Variants in ADAM10 observed in about 807,000 individuals in gnomAD.
The protein encoded by ADAM10 is disintegrin and metalloproteinase domain-containing protein 10.
Under a neutral mutation model 90.1 loss-of-function variants are expected in ADAM10, and 17 were observed. That is an observed-to-expected ratio of 0.19 (90% CI 0.13 to 0.28). The LOEUF is 0.28. ADAM10 is among the 10% of genes least tolerant of loss of function. The probability of loss-of-function intolerance (pLI) is 1.00; values close to 1 mark genes in which losing one functional copy is unlikely to be tolerated. For missense variants in ADAM10, 610 were observed against 914.3 expected, an observed-to-expected ratio of 0.67 and a Z score of 4.29; for synonymous variants, 310 against 298.6, an observed-to-expected ratio of 1.04 and a Z score of -0.40.
chr15:58,734,667 T>C (rs191852070), intron 1 of ADAM10, among the ~76,000 whole-genome samples: 73 of 148,688 alleles, frequency 4.9e-4, no homozygotes, highest in Non-Finnish European at 8.4e-4. Flanking sequence ...GCCACTGCAA[T>C]GCAGCCTGGG....
chr15:58,742,715 T>C (rs1258347278), intron 1 of ADAM10, among the ~76,000 whole-genome samples: 1 of 152,180 alleles, frequency 6.6e-6, no homozygotes, highest in Non-Finnish European at 1.5e-5. Flanking sequence ...ATTGCTTCCT[T>C]TTTCCTAATA....
In ADAM10 at chr15:58,595,749, C is replaced by T. The variant is rs754389763; in HGVS notation, c.*1798G>A. The T allele has an allele frequency of 6.6e-6, 1 of 152,106 alleles. No individual in the cohort carries two copies. Among genetic ancestry groups the T allele is most frequent in the Non-Finnish European group, 1.5e-5 (1 of 67,986 alleles). 9.4% of individuals were successfully genotyped at this position (152,106 alleles called of 1,614,324 possible). On this transcript the variant is annotated 3_prime_UTR_variant, in exon 16 of 16. Coordinates refer to ENST00000260408, the MANE Select transcript of ADAM10 (RefSeq NM_001110.4). ...TACATGTTCCAAAGTCTACCACACT[C>T]AAGAAGTTACTAAGAACTCTTGCAG...
At chr15:58,600,275 T>C (rs1411745117) in intron 14 of ADAM10, among the ~76,000 whole-genome samples, 7 of 152,324 alleles carry the variant, frequency 4.6e-5, no homozygotes, top group African/African-American at 1.4e-4. Flanking sequence ...ATTGCGTTTA[T>C]ACTTTCCATG....
intron 1 of ADAM10, among the ~76,000 whole-genome samples, chr15:58,739,516 C>CA (rs1192640157): frequency 6.6e-6 from 1 of 151,252 alleles, no homozygotes. Flanking sequence ...GACTCCGTCT[C>CA]AAAAAAATAA....
chr15:58,722,266 C>T (rs1420552467), intron 1 of ADAM10, among the ~76,000 whole-genome samples: 8 of 151,802 alleles, frequency 5.3e-5, no homozygotes, highest in African/African-American at 1.7e-4. Flanking sequence ...CACTTGAACC[C>T]GGAAGGTGGA....
intron 2 of ADAM10, among the ~76,000 whole-genome samples, chr15:58,709,595 C>G (rs979666745): frequency 1.3e-5 from 2 of 151,864 alleles, no homozygotes; most frequent in Non-Finnish European, 2.9e-5. Context: ...CAAAAATTAG[C>G]CAGGTGTCGT....
At position 58,603,086 on chromosome 15, in the gene ADAM10, A is replaced by C. The variant is rs185700248; in HGVS notation, c.2026-3362T>G. Among the ~76,000 whole-genome samples the C allele has an allele frequency of 3.5e-3, 537 of 152,284 alleles. 20 individuals are homozygous for C. The highest frequency in any genetic ancestry group is 0.03 in the Admixed American group (454 of 15,282). On this transcript the variant is annotated intron_variant, in intron 14 of 15. Transcript: ENST00000260408. ...TACTTTCTAAAAGCCACTTCTTGAGACTGCCAGATTTTTTTTTAAGTTTTA... is the reference window on the plus strand; with the variant it reads ...TACTTTCTAAAAGCCACTTCTTGAGCCTGCCAGATTTTTTTTTAAGTTTTA...
At position 58,749,641 on chromosome 15, in the gene ADAM10, C is replaced by A. The variant is rs376381725; in HGVS notation, c.-107G>T. On this transcript the variant is annotated 5_prime_UTR_variant, in exon 1 of 16. Transcript: ENST00000260408. ...TTGGTCCGGAGCCTCCACGGGAAGC[C>A]GGGACCTCCCCTGGCAGGAGAAACG... The A allele has an allele frequency of 1.6e-5, 24 of 1,527,232 alleles. No individual in the cohort carries two copies. In the South Asian group the frequency reaches 2.6e-4, roughly 16 times the overall value. 94.6% of individuals were successfully genotyped at this position (1,527,232 alleles called of 1,614,324 possible). A position where few individuals can be genotyped will look rare whatever the true frequency, so the allele number is the denominator to read the frequency against.
chr15:58,702,054 C>T (rs528879791), intron 2 of ADAM10, among the ~76,000 whole-genome samples: 3 of 151,998 alleles, frequency 2.0e-5, no homozygotes, highest in South Asian at 4.2e-4. Context: ...TGCAGTGAGC[C>T]GAGATCGCAC....
intron 9 of ADAM10, among the ~76,000 whole-genome samples, chr15:58,632,748 C>A (rs750976020): frequency 6.6e-6 from 1 of 152,286 alleles, no homozygotes; most frequent in Non-Finnish European, 1.5e-5. Context: ...TCTCATTCCA[C>A]AGTAGAGAAA....
At chr15:58,704,066 G>C (rs1401940410) in intron 2 of ADAM10, 1 of 152,306 alleles carries the variant, frequency 6.6e-6, no homozygotes, top group Non-Finnish European at 1.5e-5. Flanking sequence ...AGGGAGGAAG[G>C]GGACACCCAT....
intron 2 of ADAM10, among the ~76,000 whole-genome samples, chr15:58,704,755 A>C (rs1022696767): frequency 1.3e-5 from 2 of 152,218 alleles, no homozygotes; most frequent in Non-Finnish European, 2.9e-5. Context: ...ACTTTTACAT[A>C]TATTACTGCA....
intron 1 of ADAM10, among the ~76,000 whole-genome samples, chr15:58,721,323 G>A (rs1404125055): frequency 3.3e-5 from 5 of 152,002 alleles, no homozygotes; most frequent in East Asian, 1.9e-4. Flanking sequence ...ACACTTCCCC[G>A]GGACACACAG....
intron 1 of ADAM10, among the ~76,000 whole-genome samples, chr15:58,729,863 G>A (rs904817657): frequency 1.3e-5 from 2 of 152,130 alleles, no homozygotes; most frequent in South Asian, 2.1e-4. Context: ...TTGGAAGGCT[G>A]AGGCAGAAGA....
chr15:58,639,738 T>C (rs1245536887), intron 8 of ADAM10, among the ~76,000 whole-genome samples: 4 of 152,042 alleles, frequency 2.6e-5, no homozygotes, highest in African/African-American at 9.7e-5. Flanking sequence ...GTAAAAGTAT[T>C]GACTTAAGAT....
intron 2 of ADAM10, 110 bp downstream of exon 2, chr15:58,717,467 C>T: frequency 1.5e-6 from 2 of 1,371,038 alleles, no homozygotes; most frequent in East Asian, 2.4e-5. Flanking sequence ...AATGGAATTT[C>T]CAAATGAAGA....
At chr15:58,610,000 GAA>G (rs1439681147) in intron 14 of ADAM10, 1 of 336,174 alleles carries the variant, frequency 3.0e-6, no homozygotes, top group Admixed American at 4.4e-5. Context: ...TAAGTCCCAT[GAA>G]AATGCCCTAA....
At chr15:58,611,234 A>T in intron 12 of ADAM10, 127 bp from the exon 13 acceptor site, 1 of 733,208 alleles carries the variant, frequency 1.4e-6, no homozygotes, top group Non-Finnish European at 2.4e-6. Context: ...GTGAAAAACA[A>T]ACAGAGATGA....
chr15:58,714,683 C>A (rs1206541289), intron 2 of ADAM10, among the ~76,000 whole-genome samples: 1 of 151,602 alleles, frequency 6.6e-6, no homozygotes, highest in African/African-American at 2.4e-5. Context: ...TTGAGCCAAT[C>A]TACCTAAAAA....
Sources: allele counts gnomAD v4.1 joint callset (sites outside exome capture counted in the v4.1 genomes callset), GRCh38; gene constraint gnomAD v4.1.1; transcripts MANE v1.5; gene names NCBI Gene and HGNC (gene_info 2026-07-23, HGNC 2026-07-21).